Variants in SLC36A1 observed in about 807,000 individuals in gnomAD.
The protein encoded by SLC36A1 is solute carrier family 36 member 1.
In SLC36A1, 30 loss-of-function variants were observed where a neutral mutation model predicts 47.5. That is an observed-to-expected ratio of 0.63 (90% CI 0.47 to 0.86). SLC36A1 has a LOEUF of 0.86. Among genes scored for constraint, SLC36A1 ranks in the 40% least tolerant of loss-of-function variants. SLC36A1 has a pLI of 0.00. For synonymous variants in SLC36A1, 255 were observed against 249.7 expected, an observed-to-expected ratio of 1.02 and a Z score of -0.20; for missense variants, 517 against 606.0, an observed-to-expected ratio of 0.85 and a Z score of 1.54.
chr5:151,531,870 C>T, the SLC36A1 span: 71 of 1,614,030 alleles, frequency 4.4e-5, no homozygotes, highest in Non-Finnish European at 6.8e-6. This position sits in a 1 kb window ranked among gnomAD's most constrained non-coding sequence, Gnocchi z 5.7. Context: ...GGGGCCTGAC[C>T]TGCAGCGGCT....
intron 1 of SLC36A1, among the ~76,000 whole-genome samples, chr5:151,440,903 C>T (rs764111520): frequency 1.3e-5 from 2 of 152,206 alleles, no homozygotes; most frequent in Non-Finnish European, 1.5e-5. Flanking sequence ...AACATGTTAG[C>T]ACATGGCTAA....
At chr5:151,385,996 C>T in the SLC36A1 span, among the ~76,000 whole-genome samples, 6 of 151,634 alleles carry the variant, frequency 4.0e-5, no homozygotes, top group African/African-American at 7.3e-5. Context: ...CTTACCCTGC[C>T]GAGTGGCTGT....
rs183518532 is a variant in SLC36A1, at chr5:151,462,419, C to T, written c.144-1134C>T. 2.9e-3 allele frequency among the ~76,000 whole-genome samples: 433 copies of T among 151,510 alleles called. 5 individuals carry two copies. The highest frequency in any genetic ancestry group is 0.01 in the African/African-American group (419 of 41,296). ...TTGCTCTGTCACCCAGGCTGGAGTG[C>T]AGTGGCACAATCTTGGCTCACTGCA... On this transcript the variant is annotated intron_variant, in intron 2 of 10. Coordinates refer to ENST00000243389, the MANE Select transcript of SLC36A1 (RefSeq NM_078483.4).
At chr5:151,493,810 C>T (rs1760263901), downstream of SLC36A1, among the ~76,000 whole-genome samples, 1 of 152,176 alleles carries the variant, frequency 6.6e-6, no homozygotes, top group Non-Finnish European at 1.5e-5. Flanking sequence ...GGAAGGTTTG[C>T]CTTGGGAATT....
the SLC36A1 span, chr5:151,531,442 A>AT: frequency 2.6e-6 from 3 of 1,164,560 alleles, no homozygotes; most frequent in Non-Finnish European, 2.4e-6. This position sits in a 1 kb window ranked among gnomAD's most constrained non-coding sequence, Gnocchi z 5.7. Flanking sequence ...GTACTCGGAG[A>AT]GAAGCAGAAG....
the SLC36A1 span, among the ~76,000 whole-genome samples, chr5:151,421,540 C>A: frequency 2.6e-5 from 4 of 151,374 alleles, no homozygotes; most frequent in African/African-American, 4.8e-5. Flanking sequence ...CCACGCCAGG[C>A]AAATCTTGTA....
At chr5:151,526,635 C>A in the SLC36A1 span, among the ~76,000 whole-genome samples, 1 of 152,142 alleles carries the variant, frequency 6.6e-6, no homozygotes, top group Non-Finnish European at 1.5e-5. Context: ...TGTGGACTGG[C>A]GATATTCTCA....
the SLC36A1 span, among the ~76,000 whole-genome samples, chr5:151,407,613 G>A: frequency 1.4e-4 from 21 of 151,352 alleles, no homozygotes; most frequent in African/African-American, 4.9e-4. Flanking sequence ...GTCCCCACCC[G>A]ACCCAGAAGC....
the SLC36A1 span, among the ~76,000 whole-genome samples, chr5:151,531,069 C>A: frequency 1.3e-5 from 2 of 152,130 alleles, no homozygotes; most frequent in African/African-American, 4.8e-5. This position sits in a 1 kb window ranked among gnomAD's most constrained non-coding sequence, Gnocchi z 5.7. Flanking sequence ...GACTTTGAGT[C>A]TTCTGTGGCT....
rs985223787 is a variant in SLC36A1, at chr5:151,479,180, G to A, written c.990-140G>A. 42 of 791,882 alleles carry A rather than the reference G, an allele frequency of 5.3e-5. No individual in the cohort carries two copies. In the African/African-American group the frequency reaches 6.7e-4, roughly 13 times the overall value. The allele number at this position is 791,882 out of a possible 1,614,324, so 49.1% of individuals were successfully genotyped here. On this transcript the variant is annotated intron_variant, in intron 9 of 10. Coordinates refer to ENST00000243389, the MANE Select transcript of SLC36A1 (RefSeq NM_078483.4). ...ATCTGTGAGGTAAATTTCTAGACAT[G>A]AAATTGCTGGGTCCGAAGGACATGT...
chr5:151,399,789 A>G, the SLC36A1 span, among the ~76,000 whole-genome samples: 1 of 152,224 alleles, frequency 6.6e-6, no homozygotes, highest in Admixed American at 6.5e-5. Flanking sequence ...ACAGCTTTCT[A>G]TCAGATATTT....
At chr5:151,369,920 G>A in the SLC36A1 span, among the ~76,000 whole-genome samples, 2 of 152,088 alleles carry the variant, frequency 1.3e-5, no homozygotes, top group Non-Finnish European at 2.9e-5. Context: ...TCAGCCTCTG[G>A]AGTAGTAGGG....
At chr5:151,370,534 C>T in the SLC36A1 span, among the ~76,000 whole-genome samples, 4 of 152,152 alleles carry the variant, frequency 2.6e-5, no homozygotes, top group African/African-American at 4.8e-5. Context: ...AACCTTCCCA[C>T]ATTTCCTAAG....
the SLC36A1 span, chr5:151,522,225 T>TAA: frequency 2.0e-5 from 12 of 587,250 alleles, no homozygotes; most frequent in South Asian, 1.7e-4. Flanking sequence ...TTGTTGCATT[T>TAA]AGAAAAAAAA....
chr5:151,375,936 C>T, the SLC36A1 span, among the ~76,000 whole-genome samples: 1 of 152,272 alleles, frequency 6.6e-6, no homozygotes, highest in African/African-American at 2.4e-5. Flanking sequence ...ATCATATTAT[C>T]ATCAAACAGA....
At chr5:151,434,416 T>G (rs1759648624), upstream of SLC36A1, among the ~76,000 whole-genome samples, 1 of 151,982 alleles carries the variant, frequency 6.6e-6, no homozygotes, top group South Asian at 2.1e-4. Flanking sequence ...TTTTAAAAAT[T>G]TAGTTGAGTT....
At chr5:151,427,455 C>T in the SLC36A1 span, among the ~76,000 whole-genome samples, 1 of 152,228 alleles carries the variant, frequency 6.6e-6, no homozygotes, top group Non-Finnish European at 1.5e-5. Context: ...CCATGTGTCA[C>T]ACTTTCTGTC....
chr5:151,488,570 C>G lies in SLC36A1; in HGVS notation c.*316C>G. 1 of 392,620 alleles carries G rather than the reference C, an allele frequency of 2.5e-6. No individual in the cohort carries two copies. The allele number at this position is 392,620 out of a possible 1,614,324, so 24.3% of individuals were successfully genotyped here. A position where few individuals can be genotyped will look rare whatever the true frequency, so the allele number is the denominator to read the frequency against. On this transcript the variant is annotated 3_prime_UTR_variant, in exon 11 of 11. Transcript: ENST00000243389. The stretch of plus-strand genomic sequence containing the variant: ...CCTCCCCTCTGCTGGTGCACCTCGC[C>G]CAACTCATTCTTACTGCACAGTTCA...
upstream of SLC36A1, among the ~76,000 whole-genome samples, chr5:151,436,885 A>G (rs970503663): frequency 6.6e-6 from 1 of 152,238 alleles, no homozygotes; most frequent in South Asian, 2.1e-4. Context: ...AGTAAGTGGC[A>G]GGGCTGGTCT....
Sources: allele counts gnomAD v4.1 joint callset (sites outside exome capture counted in the v4.1 genomes callset), GRCh38; gene constraint gnomAD v4.1.1; non-coding constraint Gnocchi (gnomAD v3.1); transcripts MANE v1.5; gene names NCBI Gene and HGNC (gene_info 2026-07-23, HGNC 2026-07-21).